The following CNTN5 variants were observed in gnomAD, a reference collection of about 807,000 sequenced individuals.
CNTN5 encodes contactin-5.
Under a neutral mutation model 129.1 loss-of-function variants are expected in CNTN5, and 77 were observed. That is an observed-to-expected ratio of 0.60 (90% confidence interval 0.50 to 0.72). The LOEUF (loss-of-function observed/expected upper bound fraction) is 0.72. Among genes scored for constraint, CNTN5 ranks in the 30% least tolerant of loss-of-function variants. The pLI is 0.00. For missense variants in CNTN5, 1,478 were observed against 1,328.8 expected (o/e 1.11, Z -1.75); for synonymous variants, 509 against 465.6 (o/e 1.09, Z -1.20).
intron 8 of CNTN5, among the ~76,000 whole-genome samples, chr11:99,983,362 G>T (rs1347238394): frequency 6.6e-6 from 1 of 151,134 alleles, no homozygotes; most frequent in Non-Finnish European, 1.5e-5. Context: ...GCTAAGGTGT[G>T]AGATTTGTGA....
chr11:99,768,832 A>G (rs1944846614), intron 3 of CNTN5, among the ~76,000 whole-genome samples: 1 of 152,150 alleles, frequency 6.6e-6, no homozygotes, highest in Non-Finnish European at 1.5e-5. Context: ...ATTGATAAGT[A>G]GTAATGTCCA....
intron 3 of CNTN5, among the ~76,000 whole-genome samples, chr11:99,732,118 A>G (rs1194953044): frequency 1.3e-5 from 2 of 152,234 alleles, no homozygotes; most frequent in Non-Finnish European, 2.9e-5. Flanking sequence ...TTCATCAGGC[A>G]AGGTAAACAA....
intron 4 of CNTN5, among the ~76,000 whole-genome samples, chr11:99,841,424 G>A (rs976299168): frequency 2.0e-5 from 3 of 151,880 alleles, no homozygotes; most frequent in African/African-American, 4.8e-5. Flanking sequence ...CTTCTTATAC[G>A]GCTAACTTTG....
intron 6 of CNTN5, among the ~76,000 whole-genome samples, chr11:99,880,052 G>A (rs376442452): frequency 1.4e-4 from 22 of 152,106 alleles, no homozygotes; most frequent in Non-Finnish European, 2.2e-4. Context: ...TTTTCTCCCC[G>A]TTCACTATTC....
intron 7 of CNTN5, among the ~76,000 whole-genome samples, chr11:99,950,846 AAAG>A (rs376150624): frequency 2.5e-3 from 381 of 152,286 alleles, no homozygotes; most frequent in South Asian, 0.011. Context: ...TACAATAATG[AAAG>A]AAGATTAATA....
At chr11:99,253,203 A>G (rs764882279) in intron 1 of CNTN5, among the ~76,000 whole-genome samples, 10 of 152,020 alleles carry the variant, frequency 6.6e-5, no homozygotes, top group Non-Finnish European at 1.3e-4. Flanking sequence ...TTGGTTTTAT[A>G]AATTGGAGTT....
At chr11:99,356,168 C>CTA (rs1938650914) in intron 2 of CNTN5, among the ~76,000 whole-genome samples, 1 of 146,250 alleles carries the variant, frequency 6.8e-6, no homozygotes, top group African/African-American at 2.6e-5. Flanking sequence ...ATTTTTTACA[C>CTA]TATATATAAT....
intron 6 of CNTN5, among the ~76,000 whole-genome samples, chr11:99,910,345 T>C (rs1949625922): frequency 6.6e-6 from 1 of 152,114 alleles, no homozygotes. Flanking sequence ...AGAACTATTA[T>C]TAAGAATCTT....
chr11:99,698,723 A>G (rs970957912), intron 3 of CNTN5, among the ~76,000 whole-genome samples: 37 of 151,496 alleles, frequency 2.4e-4, no homozygotes, highest in African/African-American at 8.9e-4. Flanking sequence ...ACAATTAACT[A>G]AATACTTGTT....
chr11:99,298,328 AG>A (rs879373493), intron 1 of CNTN5, among the ~76,000 whole-genome samples: 13 of 152,176 alleles, frequency 8.5e-5, no homozygotes, highest in Non-Finnish European at 1.8e-4. Flanking sequence ...AATGACATAC[AG>A]GAATAGGAAG....
intron 1 of CNTN5, among the ~76,000 whole-genome samples, chr11:99,205,199 T>G (rs1159744598): frequency 6.6e-6 from 1 of 152,066 alleles, no homozygotes; most frequent in Non-Finnish European, 1.5e-5. Flanking sequence ...AAGAAACCAC[T>G]GTAAAGAAAA....
At chr11:100,306,591 G>C (rs915571972) in intron 20 of CNTN5, among the ~76,000 whole-genome samples, 4 of 151,670 alleles carry the variant, frequency 2.6e-5, no homozygotes, top group Non-Finnish European at 5.9e-5. Flanking sequence ...CAAATAAACT[G>C]TATCCTAAAT....
intron 2 of CNTN5, among the ~76,000 whole-genome samples, chr11:99,509,861 A>G (rs1247835455): frequency 6.6e-6 from 1 of 152,008 alleles, no homozygotes; most frequent in African/African-American, 2.4e-5. Flanking sequence ...GAAAAATTCA[A>G]ACAATGTGAT....
In CNTN5 at chr11:99,866,670, A is replaced by G. The variant is rs537222552; in HGVS notation, c.577+21408A>G. On this transcript the variant is annotated intron_variant, in intron 6 of 24. Coordinates refer to ENST00000524871, the MANE Select transcript of CNTN5 (RefSeq NM_014361.4). ...ACTAGTGCTAAAATGAGTCAAGTAA[A>G]ATTCTACTGTTGTATGAATCTGACT... Among the ~76,000 whole-genome samples the G allele has an allele frequency of 3.9e-5, 6 of 152,322 alleles. No individual in the cohort carries two copies. The South Asian group carries it at 1.2e-3, about 32-fold the overall frequency.
intron 3 of CNTN5, among the ~76,000 whole-genome samples, chr11:99,593,030 T>C (rs1950025385): frequency 6.6e-6 from 1 of 152,176 alleles, no homozygotes; most frequent in African/African-American, 2.4e-5. Flanking sequence ...CAACATAGGC[T>C]TTCAACAAAT....
intron 12 of CNTN5, 125 bp from the exon 13 acceptor site, chr11:100,074,019 G>A (rs1944030270): frequency 7.3e-6 from 6 of 816,582 alleles, no homozygotes; most frequent in Non-Finnish European, 7.6e-6. Flanking sequence ...TTTTTCATGT[G>A]TAGATATACT....
intron 6 of CNTN5, among the ~76,000 whole-genome samples, chr11:99,877,612 A>C (rs74843531): frequency 1.7e-4 from 1 of 5,738 alleles, no homozygotes; most frequent in African/African-American, 6.0e-4. Context: ...TCTTTAGTTT[A>C]AAAAAAAAAT....
At chr11:99,119,970 T>C (rs888500273) in intron 1 of CNTN5, among the ~76,000 whole-genome samples, 1 of 152,168 alleles carries the variant, frequency 6.6e-6, no homozygotes, top group African/African-American at 2.4e-5. Context: ...GATGGGGTTG[T>C]TTGTTTTTAT....
chr11:100,012,136 T>A (rs1315874983), intron 9 of CNTN5, among the ~76,000 whole-genome samples: 3 of 152,136 alleles, frequency 2.0e-5, no homozygotes, highest in African/African-American at 7.2e-5. Context: ...TCAATAAACA[T>A]TTAGGCCTCA....
Sources: gnomAD v4.1 joint callset for allele counts (sites outside exome capture counted in the v4.1 genomes callset) on GRCh38, gnomAD v4.1.1 for gene constraint, MANE v1.5 for transcripts, NCBI Gene and HGNC (gene_info 2026-07-23, HGNC 2026-07-21) for gene names.